Variants in RYR3 observed in about 807,000 individuals in gnomAD.
RYR3 encodes the protein brain ryanodine receptor-calcium release channel.
RYR3 carries 207 observed loss-of-function variants against 584.3 expected under a neutral mutation model. The ratio of observed to expected loss-of-function variants is 0.35; its 90% CI spans 0.32 to 0.40. RYR3 has a LOEUF of 0.40. RYR3 is among the 10% of genes least tolerant of loss of function. RYR3 has a pLI of 1.00. For missense variants in RYR3, 5,616 were observed against 6,089.2 expected (o/e 0.92, Z 2.59); for synonymous variants, 2,416 against 2,248.5 (o/e 1.07, Z -2.11).
intron 90 of RYR3, among the ~76,000 whole-genome samples, chr15:33,841,222 C>CA (rs1356799469): frequency 6.6e-6 from 1 of 151,126 alleles, no homozygotes; most frequent in Non-Finnish European, 1.5e-5. Context: ...GTCTCAAAAA[C>CA]AAAAAAGAAA....
At chr15:33,846,659 A>G (rs1408368100) in intron 93 of RYR3, among the ~76,000 whole-genome samples, 1 of 152,194 alleles carries the variant, frequency 6.6e-6, no homozygotes. Context: ...TGTGCTGCAG[A>G]GACCTTATGC....
chr15:33,772,281 C>G, intron 63 of RYR3, 123 bp downstream of exon 63: 1 of 592,504 alleles, frequency 1.7e-6, no homozygotes, highest in Non-Finnish European at 3.0e-6. Flanking sequence ...CATGCCTTTT[C>G]TTTCTTAGAT....
intron 101 of RYR3, 47 bp from the exon 102 acceptor site, chr15:33,861,031 C>A: frequency 7.5e-7 from 1 of 1,332,824 alleles, no homozygotes; most frequent in Non-Finnish European, 1.1e-6. Flanking sequence ...TTCTCTCCTG[C>A]CTATATTATG....
At chr15:33,721,248 A>C (rs1330947646) in intron 43 of RYR3, among the ~76,000 whole-genome samples, 2 of 152,176 alleles carry the variant, frequency 1.3e-5, no homozygotes, top group African/African-American at 4.8e-5. Flanking sequence ...CCAGTATGCA[A>C]CTGAGGCCTC....
chr15:33,828,149 T>C (rs1655662818), intron 85 of RYR3, among the ~76,000 whole-genome samples: 1 of 152,226 alleles, frequency 6.6e-6, no homozygotes, highest in Non-Finnish European at 1.5e-5. Flanking sequence ...ATGTTACTAT[T>C]GTAATTGTTT....
At chr15:33,796,496 G>C (rs1052349536) in intron 67 of RYR3, among the ~76,000 whole-genome samples, 2 of 152,114 alleles carry the variant, frequency 1.3e-5, no homozygotes, top group Non-Finnish European at 2.9e-5. Flanking sequence ...CCAGGATTCT[G>C]TTCTTATGCT....
At chr15:33,557,884 G>A (rs894930630) in intron 10 of RYR3, among the ~76,000 whole-genome samples, 4 of 152,184 alleles carry the variant, frequency 2.6e-5, no homozygotes, top group Non-Finnish European at 5.9e-5. Context: ...AGAGGATAAT[G>A]ATTACTGCCC....
chr15:33,501,758 A>G (rs1276428881), intron 2 of RYR3, among the ~76,000 whole-genome samples: 1 of 152,196 alleles, frequency 6.6e-6, no homozygotes, highest in African/African-American at 2.4e-5. Flanking sequence ...ATATAATTGT[A>G]TGCTATTTGT....
intron 38 of RYR3, among the ~76,000 whole-genome samples, chr15:33,688,558 G>C (rs971087566): frequency 1.4e-5 from 2 of 143,308 alleles, no homozygotes; most frequent in Non-Finnish European, 3.0e-5. Context: ...GGGCGACAGA[G>C]CGAGACTCCA....
chr15:33,394,069 A>G (rs2042160245), intron 1 of RYR3, among the ~76,000 whole-genome samples: 1 of 152,138 alleles, frequency 6.6e-6, no homozygotes, highest in African/African-American at 2.4e-5. Flanking sequence ...TGTTCTCTGC[A>G]CCATCTTGTG....
At chr15:33,807,658 G>A (rs1224572936) in intron 70 of RYR3, 89 bp downstream of exon 70, 4 of 1,332,126 alleles carry the variant, frequency 3.0e-6, no homozygotes, top group Non-Finnish European at 4.2e-6. Flanking sequence ...CACCATGGGG[G>A]TGGTAGAGAA....
intron 45 of RYR3, among the ~76,000 whole-genome samples, chr15:33,725,533 C>T (rs369858271): frequency 3.8e-4 from 58 of 152,258 alleles, no homozygotes; most frequent in African/African-American, 1.3e-3. Flanking sequence ...GATCGGGCTA[C>T]TCAAGCCGGG....
At chr15:33,588,213 A>G (rs1567606193) in intron 16 of RYR3, among the ~76,000 whole-genome samples, 1 of 152,186 alleles carries the variant, frequency 6.6e-6, no homozygotes, top group African/African-American at 2.4e-5. Context: ...CAGTGGCAGA[A>G]AGAAGGCCGG....
chr15:33,376,912 T>C (rs2040793283), intron 1 of RYR3, among the ~76,000 whole-genome samples: 2 of 152,270 alleles, frequency 1.3e-5, no homozygotes. Context: ...GGTGCCTTTA[T>C]TGAAAATCAA....
At chr15:33,527,575 C>G (rs980159601) in intron 3 of RYR3, among the ~76,000 whole-genome samples, 1 of 133,200 alleles carries the variant, frequency 7.5e-6, no homozygotes, top group Admixed American at 8.7e-5. Flanking sequence ...CAGAGGGACA[C>G]AACTCTGTCT....
At chr15:33,860,930 A>C (rs1050864143) in intron 101 of RYR3, 148 bp from the exon 102 acceptor site, 3 of 563,844 alleles carry the variant, frequency 5.3e-6, no homozygotes, top group Non-Finnish European at 8.7e-6. Flanking sequence ...CTAATAGCCA[A>C]TGTATGGCAC....
At chr15:33,798,400 T>G (rs922827183) in intron 67 of RYR3, among the ~76,000 whole-genome samples, 7 of 152,212 alleles carry the variant, frequency 4.6e-5, no homozygotes, top group African/African-American at 1.4e-4. Flanking sequence ...CTCATTCCTT[T>G]GTCTTTATAT....
intron 1 of RYR3, among the ~76,000 whole-genome samples, chr15:33,314,197 C>T (rs1320101389): frequency 1.3e-5 from 2 of 152,162 alleles, no homozygotes; most frequent in African/African-American, 4.8e-5. Context: ...CACTGACAGT[C>T]ATGTATGCCA....
At chr15:33,579,316 C>T (rs536347834) in intron 12 of RYR3, among the ~76,000 whole-genome samples, 2 of 151,978 alleles carry the variant, frequency 1.3e-5, no homozygotes, top group African/African-American at 2.4e-5. Flanking sequence ...CACAGAGAAA[C>T]GTGATGAGAA....
Sources: gnomAD v4.1 joint callset for allele counts (sites outside exome capture counted in the v4.1 genomes callset) on GRCh38, gnomAD v4.1.1 for gene constraint, MANE v1.5 for transcripts, NCBI Gene and HGNC (gene_info 2026-07-23, HGNC 2026-07-21) for gene names.